The following PSMB7 variants were observed in gnomAD, a reference collection of about 807,000 sequenced individuals.
The protein encoded by PSMB7 is proteasome 20S subunit beta 7.
In PSMB7, 5 loss-of-function variants were observed where a neutral mutation model predicts 28.1. The observed-to-expected ratio is 0.18, with a 90% CI of 0.09 to 0.37. The LOEUF (loss-of-function observed/expected upper bound fraction) is 0.37, where lower values mean the gene tolerates loss of function less well. PSMB7 is among the 10% of genes least tolerant of loss of function. The pLI, the probability that PSMB7 is intolerant of heterozygous loss-of-function variation, is 1.00. For missense variants in PSMB7, 275 were observed against 346.2 expected (o/e 0.79, Z 1.63); for synonymous variants, 122 against 123.7 (o/e 0.99, Z 0.09).
At chr9:124,414,064 A>G (rs1184540416) in intron 2 of PSMB7, 59 bp from the exon 3 acceptor site, 1 of 1,127,500 alleles carries the variant, frequency 8.9e-7, no homozygotes, top group South Asian at 1.3e-5. Flanking sequence ...GCAACTCTCT[A>G]TTCTACTTTA....
chr9:124,409,794 G>A (rs1783330921), intron 4 of PSMB7, among the ~76,000 whole-genome samples: 1 of 152,136 alleles, frequency 6.6e-6, no homozygotes, highest in Admixed American at 6.5e-5. Context: ...CAGTGCTGTA[G>A]GTGGGAGATG....
chr9:124,413,843 A>T, intron 3 of PSMB7, 65 bp downstream of exon 3: 2 of 1,145,148 alleles, frequency 1.7e-6, no homozygotes, highest in Non-Finnish European at 2.6e-6. Context: ...GGAGCACAGG[A>T]AGGTCAATTT....
chr9:124,376,063 G>A (rs562500096), intron 6 of PSMB7, among the ~76,000 whole-genome samples: 8 of 152,252 alleles, frequency 5.3e-5, no homozygotes, highest in Middle Eastern at 3.4e-3. Flanking sequence ...ATAAGACGGA[G>A]GACAGAACAA....
intron 5 of PSMB7, among the ~76,000 whole-genome samples, chr9:124,400,861 G>A (rs1830896569): frequency 6.6e-6 from 1 of 152,152 alleles, no homozygotes; most frequent in Non-Finnish European, 1.5e-5. Flanking sequence ...ACCAAAATAT[G>A]AAAAACAAGA....
intron 5 of PSMB7, among the ~76,000 whole-genome samples, chr9:124,388,185 G>T (rs564087995): frequency 3.3e-5 from 5 of 152,308 alleles, no homozygotes; most frequent in Admixed American, 2.6e-4. Context: ...CATTTGCTCT[G>T]ATTTTTTATT....
intron 2 of PSMB7, among the ~76,000 whole-genome samples, chr9:124,414,570 C>A (rs1290080394): frequency 1.3e-5 from 2 of 149,974 alleles, no homozygotes; most frequent in African/African-American, 4.9e-5. Context: ...TCACATACTT[C>A]AGCTTCCTAA....
At chr9:124,393,812 A>C (rs796192617) in intron 5 of PSMB7, among the ~76,000 whole-genome samples, 19 of 152,358 alleles carry the variant, frequency 1.2e-4, no homozygotes, top group African/African-American at 4.6e-4. Flanking sequence ...CATTTTAATG[A>C]AATGTCACAA....
intron 5 of PSMB7, among the ~76,000 whole-genome samples, chr9:124,392,739 T>C (rs1444965452): frequency 1.3e-5 from 2 of 152,176 alleles, no homozygotes; most frequent in African/African-American, 4.8e-5. Flanking sequence ...CTCAAAGTCA[T>C]GAAGTTATGA....
rs78224467 is a variant in PSMB7, at chr9:124,396,022, A to G, written c.511+9295T>C. On this transcript the variant is annotated intron_variant, in intron 5 of 7. Transcript: ENST00000259457. ...AAGCCTCTTATACACAGTCAACCAC[A>G]TGGCTGACCCCAGAGCAGGCAGAAG... Among the ~76,000 whole-genome samples the G allele has an allele frequency of 2.8e-3, 419 of 152,292 alleles. 13 individuals are homozygous for G. In the East Asian group the frequency reaches 0.074, roughly 27 times the overall value.
At chr9:124,363,497 C>A (rs142953382) in intron 6 of PSMB7, among the ~76,000 whole-genome samples, 1 of 152,042 alleles carries the variant, frequency 6.6e-6, no homozygotes, top group Admixed American at 6.5e-5. Flanking sequence ...TTTTTTTTTC[C>A]GGACTGGGCT....
Position 124,353,716 on chromosome 9 carries a change from A to G in PSMB7, c.723-7T>C. 6.3e-7 allele frequency: 1 copy of G among 1,594,970 alleles called. No individual in the cohort carries two copies. Among genetic ancestry groups the G allele is most frequent in the African/African-American group, 1.3e-5 (1 of 74,600 alleles). On this transcript the variant is annotated splice_polypyrimidine_tract_variant and splice_region_variant and intron_variant, in intron 7 of 7. Transcript: ENST00000259457. ...ACACCTGTACCGGCCAAGCCTAGTA[A>G]GAGAAAAACAAAAGCACAGAGTTAG...
intron 6 of PSMB7, among the ~76,000 whole-genome samples, chr9:124,376,727 G>A (rs1405020139): frequency 6.6e-6 from 1 of 152,222 alleles, no homozygotes; most frequent in East Asian, 1.9e-4. Flanking sequence ...TCCCTGTTGT[G>A]AAAGAATGAC....
chr9:124,377,255 G>C (rs1830621564), intron 6 of PSMB7, among the ~76,000 whole-genome samples: 1 of 152,134 alleles, frequency 6.6e-6, no homozygotes, highest in South Asian at 2.1e-4. Context: ...CCTCTTCCCA[G>C]AGTCCTGCTG....
At chr9:124,376,873 C>A (rs774595964) in intron 6 of PSMB7, among the ~76,000 whole-genome samples, 3 of 152,178 alleles carry the variant, frequency 2.0e-5, no homozygotes, top group Non-Finnish European at 4.4e-5. Context: ...GCCCAATTTT[C>A]TTCTCTACAA....
chr9:124,390,969 T>C (rs972796696), intron 5 of PSMB7, among the ~76,000 whole-genome samples: 1 of 152,208 alleles, frequency 6.6e-6, no homozygotes, highest in African/African-American at 2.4e-5. Flanking sequence ...ATGTCTCTCC[T>C]GCCTAACGTC....
chr9:124,362,130 T>C (rs931688614), intron 6 of PSMB7, among the ~76,000 whole-genome samples: 13 of 152,356 alleles, frequency 8.5e-5, no homozygotes, highest in South Asian at 4.1e-4. Context: ...ATTTTATACA[T>C]AGCTTTGGAA....
intron 6 of PSMB7, among the ~76,000 whole-genome samples, chr9:124,377,634 G>A (rs114887493): frequency 1.6e-4 from 25 of 152,322 alleles, no homozygotes; most frequent in African/African-American, 5.3e-4. Flanking sequence ...TTGGCATCAC[G>A]CTTGTGAGGT....
chr9:124,403,957 T>C (rs148362342), intron 5 of PSMB7, among the ~76,000 whole-genome samples: 2,920 of 151,218 alleles, frequency 0.019, 44 homozygotes, highest in Middle Eastern at 0.041. Context: ...AATGGCTTGA[T>C]CACAGCTCAT....
intron 6 of PSMB7, among the ~76,000 whole-genome samples, chr9:124,358,022 G>C (rs1564674532): frequency 6.6e-6 from 1 of 152,188 alleles, no homozygotes; most frequent in Non-Finnish European, 1.5e-5. Flanking sequence ...GGACAAAAAT[G>C]AACCAGGCTC....
Sources: allele counts gnomAD v4.1 joint callset (sites outside exome capture counted in the v4.1 genomes callset), GRCh38; gene constraint gnomAD v4.1.1; transcripts MANE v1.5; gene names NCBI Gene and HGNC (gene_info 2026-07-23, HGNC 2026-07-21).